The following FNDC5 variants were observed in gnomAD, a reference collection of about 807,000 sequenced individuals.
FNDC5 encodes the protein fibronectin type III domain containing 5.
Under a neutral mutation model 24.6 loss-of-function variants are expected in FNDC5, and 10 were observed. The ratio of observed to expected loss-of-function variants is 0.41; its 90% CI spans 0.25 to 0.69. The LOEUF is 0.69. Among genes scored for constraint, FNDC5 ranks in the 30% least tolerant of loss-of-function variants. The pLI is 0.34. For synonymous variants in FNDC5, 90 were observed against 110.7 expected, an observed-to-expected ratio of 0.81 and a Z score of 1.18; for missense variants, 226 against 282.9, an observed-to-expected ratio of 0.80 and a Z score of 1.44.
chr1:32,866,853 G>A (rs1324544059), intron 4 of FNDC5, among the ~76,000 whole-genome samples: 1 of 152,158 alleles, frequency 6.6e-6, no homozygotes, highest in Non-Finnish European at 1.5e-5. Context: ...AGTAAATGCT[G>A]GTTGAATTGA....
chr1:32,870,231 G>A (rs550080938), intron 1 of FNDC5, among the ~76,000 whole-genome samples: 2 of 152,236 alleles, frequency 1.3e-5, no homozygotes, highest in East Asian at 3.9e-4. Context: ...CCCTTCACAC[G>A]TGCTCCTGCA....
In FNDC5 at chr1:32,870,739, G is replaced by A. The variant is rs996558393; in HGVS notation, c.8C>T (p.Pro3Leu). ...GGGCGGCCAGGCGCTCGGCGACCCG[G>A]GGTGTATGGTGGCTCCTCCGGCCGG... The change falls in exon 1 of 6, where the codon CCC (proline) becomes CTC (leucine). Residue 3 changes from proline (P) to leucine (L), a missense_variant. Physicochemically the swap from Pro to Leu is moderately conservative, Grantham distance 98. Coordinates refer to ENST00000373471, the MANE Select transcript of FNDC5 (RefSeq NM_153756.3). The A allele has an allele frequency of 6.2e-5, 72 of 1,156,186 alleles. No homozygotes were observed. The highest frequency in any genetic ancestry group is 3.5e-4 in the Middle Eastern group (1 of 2,834). 71.6% of individuals were successfully genotyped at this position (1,156,186 alleles called of 1,614,324 possible).
chr1:32,871,452 G>A (rs2148712466), upstream of FNDC5, among the ~76,000 whole-genome samples: 1 of 152,334 alleles, frequency 6.6e-6, no homozygotes, highest in East Asian at 1.9e-4. Flanking sequence ...GTCCAGCTCT[G>A]TGACCCCAGG....
chr1:32,864,476 C>CT, intron 5 of FNDC5, 177 bp from the exon 6 acceptor site: 9 of 1,478,822 alleles, frequency 6.1e-6, no homozygotes, highest in Non-Finnish European at 8.0e-6. Flanking sequence ...CCACTGGCCC[C>CT]TGGCACCCTG....
intron 4 of FNDC5, among the ~76,000 whole-genome samples, chr1:32,865,494 A>G (rs1641054259): frequency 6.6e-6 from 1 of 151,896 alleles, no homozygotes; most frequent in Admixed American, 6.5e-5. Flanking sequence ...TACTAAAAAT[A>G]CAAAAATTAG....
chr1:32,871,789 C>T (rs1641188901), upstream of FNDC5, among the ~76,000 whole-genome samples: 1 of 152,184 alleles, frequency 6.6e-6, no homozygotes, highest in Non-Finnish European at 1.5e-5. Context: ...GGGCCAGCTC[C>T]TCCCCAGCCA....
At position 32,864,177 on chromosome 1, in the gene FNDC5, A is replaced by G. The variant is rs1641023675; in HGVS notation, c.*117T>C. ...CCAGAGGGTACAAGGAGATGGAGGG[A>G]AGAGATGTAGAGAGGGCCAGATGTT... On this transcript the variant is annotated 3_prime_UTR_variant, in exon 6 of 6. Transcript: ENST00000373471. 9 of 1,603,822 alleles carry G rather than the reference A, an allele frequency of 5.6e-6. No individual in the cohort carries two copies. Among genetic ancestry groups the G allele is most frequent in the Non-Finnish European group, 7.7e-6 (9 of 1,174,486 alleles).
At position 32,868,094 on chromosome 1, in the gene FNDC5, G is replaced by C. The variant is rs530794646; in HGVS notation, c.409+96C>G. 868 of 1,414,780 alleles carry C rather than the reference G, an allele frequency of 6.1e-4. 1 individual carries two copies. Among genetic ancestry groups the C allele is most frequent in the Non-Finnish European group, 8.2e-4 (842 of 1,021,744 alleles). The allele number at this position is 1,414,780 out of a possible 1,614,324, so 87.6% of individuals were successfully genotyped here. On this transcript the variant is annotated intron_variant, in intron 3 of 5. Transcript: ENST00000373471. This position sits in a 1 kb window ranked among gnomAD's most constrained non-coding sequence, Gnocchi z 4.8. ...TGCTTTACTTGCCAGCAGGGGATAA[G>C]GGGGAGGAGACAGAGCTTTCCTCAA...
chr1:32,862,394 C>T lies in FNDC5; in HGVS notation c.*1900G>A, dbSNP rs1018163236. The T allele has an allele frequency of 6.5e-6, 1 of 152,700 alleles. No homozygotes were observed. The highest frequency in any genetic ancestry group is 2.1e-4 in the South Asian group (1 of 4,840). The allele number at this position is 152,700 out of a possible 1,614,324, so 9.5% of individuals were successfully genotyped here. The stretch of plus-strand genomic sequence containing the variant: ...CCCCATTCAGCAGGGATGGAAGTCA[C>T]AAGACAATGAGTGGAGCCTCATGCC... On this transcript the variant is annotated 3_prime_UTR_variant, in exon 6 of 6. Coordinates refer to ENST00000373471, the MANE Select transcript of FNDC5 (RefSeq NM_153756.3).
rs1403315264 is a variant in FNDC5 at position 32,864,453 on chromosome 1, T to C, written c.634-154A>G. 1.9e-5 allele frequency: 28 copies of C among 1,475,502 alleles called. No individual in the cohort carries two copies. The East Asian group carries it at 2.7e-4, about 14-fold the overall frequency. 91.4% of individuals were successfully genotyped at this position (1,475,502 alleles called of 1,614,324 possible). A position where few individuals can be genotyped will look rare whatever the true frequency, so the allele number is the denominator to read the frequency against. On this transcript the variant is annotated intron_variant, in intron 5 of 5. Coordinates refer to ENST00000373471, the MANE Select transcript of FNDC5 (RefSeq NM_153756.3). ...TCCCCACTCACTGCTTTTTTTTTTT[T>C]TTCTTCAAATCACCACTGGCCCCTG...
Position 32,869,006 on chromosome 1 carries a change from CG to C in FNDC5, c.95-10del. The stretch of plus-strand genomic sequence containing the variant: ...TGGGGCTGAGGGACTGTCTGGGGGA[CG>C]GGGAGGCACCTAAGCCTGAGCATCC... On this transcript the variant is annotated splice_polypyrimidine_tract_variant and intron_variant, in intron 1 of 5. Transcript: ENST00000373471. 1 of 1,228,474 alleles carries C rather than the reference CG, an allele frequency of 8.1e-7. No homozygotes were observed. Among genetic ancestry groups the C allele is most frequent in the Non-Finnish European group, 1.0e-6 (1 of 984,186 alleles). 76.1% of individuals were successfully genotyped at this position (1,228,474 alleles called of 1,614,324 possible). A position where few individuals can be genotyped will look rare whatever the true frequency, so the allele number is the denominator to read the frequency against.
intron 5 of FNDC5, 120 bp downstream of exon 5, chr1:32,864,544 C>A: frequency 6.4e-7 from 1 of 1,554,722 alleles, no homozygotes. Context: ...AGGCAGCAGC[C>A]AAGTCTGGCT....
At chr1:32,866,015 G>A (rs1303325339) in intron 4 of FNDC5, among the ~76,000 whole-genome samples, 1 of 152,164 alleles carries the variant, frequency 6.6e-6, no homozygotes, top group East Asian at 1.9e-4. Flanking sequence ...CCTTCTAGGT[G>A]TTTTCCCAAT....
intron 4 of FNDC5, among the ~76,000 whole-genome samples, chr1:32,866,580 T>C (rs1476343083): frequency 6.6e-6 from 1 of 152,176 alleles, no homozygotes; most frequent in Non-Finnish European, 1.5e-5. Context: ...TCAATTCCCA[T>C]GTTATCTCCT....
Position 32,870,714 on chromosome 1 carries a change from G to T in FNDC5, c.33C>A (p.Pro11=), listed in dbSNP as rs1251992033. The T allele has an allele frequency of 8.4e-7, 1 of 1,186,804 alleles. No homozygotes were observed. The highest frequency in any genetic ancestry group is 4.2e-5 in the South Asian group (1 of 23,854). 73.5% of individuals were successfully genotyped at this position (1,186,804 alleles called of 1,614,324 possible). The stretch of plus-strand genomic sequence containing the variant: ...ACAGGCGGAGCGCGGCGCGGGCGCG[G>T]GGCGGCCAGGCGCTCGGCGACCCGG... The change falls in exon 1 of 6, where the codon CCC becomes CCA. Residue 11 remains proline (P), a synonymous_variant. Coordinates refer to ENST00000373471, the MANE Select transcript of FNDC5 (RefSeq NM_153756.3).
Position 32,863,909 on chromosome 1 carries a change from T to G in FNDC5, c.*385A>C. On this transcript the variant is annotated 3_prime_UTR_variant, in exon 6 of 6. Coordinates refer to ENST00000373471, the MANE Select transcript of FNDC5 (RefSeq NM_153756.3). ...CTAAATAAGCCAAGCTCTTGTCCCT[T>G]GTGGAAAGAAAAGAGAAGCCCTGCC... 1 of 1,274,802 alleles carries G rather than the reference T, an allele frequency of 7.8e-7. No individual in the cohort carries two copies. The highest frequency in any genetic ancestry group is 1.0e-6 in the Non-Finnish European group (1 of 981,458). 79.0% of individuals were successfully genotyped at this position (1,274,802 alleles called of 1,614,324 possible).
chr1:32,867,961 T>C, intron 3 of FNDC5, 119 bp from the exon 4 acceptor site: 2 of 1,090,432 alleles, frequency 1.8e-6, no homozygotes, highest in East Asian at 2.5e-5. Flanking sequence ...ACATACATTC[T>C]AGAATGCACT....
At chr1:32,867,297 C>T (rs72654043) in intron 4 of FNDC5, among the ~76,000 whole-genome samples, 12,003 of 152,016 alleles carry the variant, frequency 0.079, 669 homozygotes, top group Admixed American at 0.16. Flanking sequence ...GGAGTTTTCA[C>T]GGTGGCTGTC....
chr1:32,869,692 G>A (rs902325654), intron 1 of FNDC5, among the ~76,000 whole-genome samples: 3 of 152,146 alleles, frequency 2.0e-5, no homozygotes, highest in Non-Finnish European at 4.4e-5. Flanking sequence ...TAGGGGAAGA[G>A]GATGAATGAG....
Sources: allele counts gnomAD v4.1 joint callset (sites outside exome capture counted in the v4.1 genomes callset), GRCh38; gene constraint gnomAD v4.1.1; non-coding constraint Gnocchi (gnomAD v3.1); transcripts MANE v1.5; gene names NCBI Gene and HGNC (gene_info 2026-07-23, HGNC 2026-07-21).